NIPBL: variants seen among roughly 807,000 people sequenced by gnomAD.
NIPBL encodes nipped-B-like protein.
Under a neutral mutation model 321.8 loss-of-function variants are expected in NIPBL, and 19 were observed. The observed-to-expected ratio is 0.06, with a 90% CI of 0.04 to 0.09. The LOEUF is 0.09. Ranked by LOEUF, NIPBL falls within the 10% of genes least tolerant of loss-of-function variation. The pLI is 1.00. For missense variants in NIPBL, 2,210 were observed against 3,327.0 expected, an observed-to-expected ratio of 0.66 and a Z score of 8.26; for synonymous variants, 1,106 against 1,114.1, an observed-to-expected ratio of 0.99 and a Z score of 0.14.
chr5:36,882,096 C>T (rs568201997), intron 1 of NIPBL, among the ~76,000 whole-genome samples: 3 of 152,034 alleles, frequency 2.0e-5, no homozygotes, highest in Admixed American at 6.5e-5. Flanking sequence ...AGGTTGTGCG[C>T]TTATTCCAGA....
intron 34 of NIPBL, among the ~76,000 whole-genome samples, chr5:37,040,858 C>A (rs1357077925): frequency 6.6e-6 from 1 of 152,126 alleles, no homozygotes; most frequent in African/African-American, 2.4e-5. Context: ...TATTCTTTGC[C>A]AGTCTAACAG....
chr5:37,025,144 T>C (rs1026206741), intron 30 of NIPBL, among the ~76,000 whole-genome samples: 1 of 152,180 alleles, frequency 6.6e-6, no homozygotes, highest in Admixed American at 6.5e-5. Flanking sequence ...TTCCAGCTAC[T>C]CTAGAGATTG....
intron 1 of NIPBL, among the ~76,000 whole-genome samples, chr5:36,908,442 C>T (rs1329653142): frequency 7.1e-6 from 1 of 140,102 alleles, no homozygotes; most frequent in African/African-American, 2.8e-5. Flanking sequence ...AGAAACAAGT[C>T]TTGAGATTTG....
At chr5:36,991,653 A>G (rs930511627) in intron 10 of NIPBL, among the ~76,000 whole-genome samples, 30 of 151,590 alleles carry the variant, frequency 2.0e-4, no homozygotes, top group African/African-American at 5.6e-4. Context: ...ACTTACCTCT[A>G]ATTGAAGTTG....
chr5:36,914,121 G>A (rs536257472), intron 1 of NIPBL, among the ~76,000 whole-genome samples: 1 of 152,302 alleles, frequency 6.6e-6, no homozygotes, highest in East Asian at 1.9e-4. Context: ...AAGGTCTTCT[G>A]TTGGCCGTTA....
chr5:36,931,736 G>T (rs568204472), intron 1 of NIPBL, among the ~76,000 whole-genome samples: 1 of 144,860 alleles, frequency 6.9e-6, no homozygotes, highest in Non-Finnish European at 1.5e-5. Flanking sequence ...TGTCAATTTT[G>T]TTGATTATTT....
chr5:36,927,906 A>C (rs1306220408), intron 1 of NIPBL, among the ~76,000 whole-genome samples: 1 of 152,126 alleles, frequency 6.6e-6, no homozygotes, highest in Non-Finnish European at 1.5e-5. Flanking sequence ...GGCTAGTCTC[A>C]AAATCCTGGC....
chr5:37,053,033 TTTCA>T (rs1376628621), intron 42 of NIPBL, among the ~76,000 whole-genome samples: 2 of 152,170 alleles, frequency 1.3e-5, no homozygotes, highest in Admixed American at 1.3e-4. Context: ...TAAAGATACA[TTTCA>T]TGACCCCCAG....
intron 23 of NIPBL, among the ~76,000 whole-genome samples, chr5:37,016,617 A>G (rs1346404660): frequency 1.3e-5 from 2 of 152,184 alleles, no homozygotes; most frequent in Non-Finnish European, 2.9e-5. Flanking sequence ...TTGAACTTGC[A>G]CAATACACAT....
At chr5:37,027,281 G>C (rs780723013) in intron 31 of NIPBL, 78 bp from the exon 32 acceptor site, 7 of 1,131,886 alleles carry the variant, frequency 6.2e-6, no homozygotes, top group Middle Eastern at 2.1e-4. Flanking sequence ...ACATGTTTCA[G>C]GCTAAAGCAT....
At position 36,876,817 on chromosome 5, in the gene NIPBL, G is replaced by T; in HGVS notation, c.-441G>T. On this transcript the variant is annotated 5_prime_UTR_variant, in exon 1 of 47. Coordinates refer to ENST00000282516, the MANE Select transcript of NIPBL (RefSeq NM_133433.4). ...GGAACGAGAGAGAGACACACACAGG[G>T]CTCCTTCCCCCCGCCCTCCCCCCCC... The T allele has an allele frequency of 2.6e-6, 1 of 391,514 alleles. No individual in the cohort carries two copies. 24.3% of individuals were successfully genotyped at this position (391,514 alleles called of 1,614,324 possible).
chr5:37,023,750 CTTTTTTTTTTTT>C (rs779595045), intron 29 of NIPBL, among the ~76,000 whole-genome samples: 4 of 75,860 alleles, frequency 5.3e-5, no homozygotes, highest in Admixed American at 4.0e-4. Context: ...TTTTCTTATT[CTTTTTTTTTTTT>C]TTTTTTTTTT....
chr5:36,904,848 C>T (rs1297542081), intron 1 of NIPBL, among the ~76,000 whole-genome samples: 7 of 152,182 alleles, frequency 4.6e-5, no homozygotes, highest in Admixed American at 3.9e-4. Context: ...GGTACCACAA[C>T]AGAAGCCAGT....
rs532403651 is a variant in NIPBL, at chr5:37,024,122, A to G, written c.5575-463A>G. On this transcript the variant is annotated intron_variant, in intron 29 of 46. Coordinates refer to ENST00000282516, the MANE Select transcript of NIPBL (RefSeq NM_133433.4). ...AGAGGTTGCAGTGAGCTGAGATCGC[A>G]CCATTGTTACCCCAGCCTGGGCGAG... Among the ~76,000 whole-genome samples, 4 of 151,950 alleles carry G rather than the reference A, an allele frequency of 2.6e-5. No individual in the cohort carries two copies. In the South Asian group the frequency reaches 6.3e-4, roughly 24 times the overall value.
chr5:36,883,900 T>A (rs950685558), intron 1 of NIPBL, among the ~76,000 whole-genome samples: 7 of 151,898 alleles, frequency 4.6e-5, no homozygotes, highest in African/African-American at 7.2e-5. Context: ...TTATTTATTT[T>A]TTATTAATAC....
At chr5:36,991,376 G>T (rs974903799) in intron 10 of NIPBL, among the ~76,000 whole-genome samples, 1 of 152,060 alleles carries the variant, frequency 6.6e-6, no homozygotes, top group African/African-American at 2.4e-5. Context: ...GGAAAGTACA[G>T]TCATTCAATT....
intron 10 of NIPBL, among the ~76,000 whole-genome samples, chr5:36,994,505 C>T (rs558861348): frequency 2.0e-5 from 3 of 152,098 alleles, no homozygotes; most frequent in East Asian, 1.9e-4. Flanking sequence ...TTATTCTTTA[C>T]GTAAGCACTA....
intron 1 of NIPBL, among the ~76,000 whole-genome samples, chr5:36,897,846 G>T (rs182647922): frequency 8.7e-4 from 127 of 146,344 alleles, no homozygotes; most frequent in Non-Finnish European, 1.8e-3. Flanking sequence ...TAGTCAGTAA[G>T]TGATTTTCAG....
chr5:36,990,460 AAGTAGATTG>A (rs1745372596), intron 10 of NIPBL, among the ~76,000 whole-genome samples: 1 of 152,144 alleles, frequency 6.6e-6, no homozygotes, highest in South Asian at 2.1e-4. Context: ...GTTTTCTTTA[AAGTAGATTG>A]TAATATTGAA....
Sources: allele counts gnomAD v4.1 joint callset (sites outside exome capture counted in the v4.1 genomes callset), GRCh38; gene constraint gnomAD v4.1.1; transcripts MANE v1.5; gene names NCBI Gene and HGNC (gene_info 2026-07-23, HGNC 2026-07-21).